LMF1: variants seen among roughly 807,000 people sequenced by gnomAD.
LMF1 encodes transmembrane protein 112.
In LMF1, 68 loss-of-function variants were observed where a neutral mutation model predicts 60.6. The observed-to-expected ratio is 1.12, with a 90% CI of 0.92 to 1.37. The LOEUF (loss-of-function observed/expected upper bound fraction) is 1.37. Ranked by LOEUF, LMF1 falls within the 40% of genes most tolerant of loss-of-function variation. The pLI, the probability that LMF1 is intolerant of heterozygous loss-of-function variation, is 0.00. For synonymous variants in LMF1, 418 were observed against 324.7 expected (o/e 1.29, Z -3.09); for missense variants, 948 against 767.2 (o/e 1.24, Z -2.78).
In LMF1 at chr16:878,750, GC is replaced by G. The variant is rs1345200910; in HGVS notation, c.897+819del. On this transcript the variant is annotated intron_variant, in intron 6 of 10. Coordinates refer to ENST00000262301, the MANE Select transcript of LMF1 (RefSeq NM_022773.4). The surrounding 1 kb of genome is among the most constrained non-coding windows in gnomAD (Gnocchi z 5.2). ...TGGGCAGGGCAGGGGAAGGGCGGGG[GC>G]AGGGGCGGGCAGGGCAGGGGAAGGG... is the stretch of plus-strand genomic sequence containing the variant. 1.4e-5 allele frequency among the ~76,000 whole-genome samples: 2 copies of G among 147,326 alleles called. No homozygotes were observed. The highest frequency in any genetic ancestry group is 5.1e-5 in the African/African-American group (2 of 39,588).
At chr16:911,553 G>T (rs1350148927) in intron 3 of LMF1, among the ~76,000 whole-genome samples, 5 of 73,772 alleles carry the variant, frequency 6.8e-5, no homozygotes. Flanking sequence ...GCACTGGGGG[G>T]GCAGCACTTG....
At chr16:866,233 T>C (rs2069605508) in intron 10 of LMF1, among the ~76,000 whole-genome samples, 1 of 152,206 alleles carries the variant, frequency 6.6e-6, no homozygotes. Flanking sequence ...CCTTCTGCTT[T>C]AGATGACTTC....
chr16:910,189 T>A (rs550738755), intron 4 of LMF1, among the ~76,000 whole-genome samples: 1 of 152,332 alleles, frequency 6.6e-6, no homozygotes, highest in Admixed American at 6.5e-5. Context: ...GCACATCGTG[T>A]TTTTGTGAAC....
intron 6 of LMF1, among the ~76,000 whole-genome samples, chr16:876,782 C>T (rs922515408): frequency 6.6e-6 from 1 of 151,656 alleles, no homozygotes; most frequent in Non-Finnish European, 1.5e-5. Flanking sequence ...CAAACTGAGA[C>T]CTTCAGTAAG....
Position 893,499 on chromosome 16 carries a change from C to T in LMF1, c.664-427G>A, listed in dbSNP as rs561105737. 49 of 424,952 alleles carry T rather than the reference C, an allele frequency of 1.2e-4. 2 individuals carry two copies. The highest frequency in any genetic ancestry group is 6.0e-4 in the South Asian group (36 of 59,846). The allele number at this position is 424,952 out of a possible 1,614,324, so 26.3% of individuals were successfully genotyped here. On this transcript the variant is annotated intron_variant, in intron 4 of 10. Coordinates refer to ENST00000262301, the MANE Select transcript of LMF1 (RefSeq NM_022773.4). The stretch of plus-strand genomic sequence containing the variant: ...TCGGAGGGAGCACCCAGTGCACACG[C>T]GTCTCAGCCCCGCCCCCTGCGGCAC...
At chr16:963,986 C>A (rs1017358689) in intron 1 of LMF1, 2 of 454,474 alleles carry the variant, frequency 4.4e-6, no homozygotes, top group African/African-American at 4.0e-5. Flanking sequence ...GTCACTACCC[C>A]ACACGGGAGG....
At chr16:926,318 T>C (rs756620291) in intron 3 of LMF1, among the ~76,000 whole-genome samples, 3 of 152,102 alleles carry the variant, frequency 2.0e-5, no homozygotes, top group Non-Finnish European at 4.4e-5. Context: ...TGTATGTGCG[T>C]GTTTGCATAA....
At chr16:979,186 G>A (rs577958331) in intron 1 of LMF1, 23 of 431,998 alleles carry the variant, frequency 5.3e-5, no homozygotes, top group South Asian at 1.4e-4. Flanking sequence ...TGAAAGCTCC[G>A]TCCCGGCGTC....
chr16:886,298 T>C (rs2070304305), intron 5 of LMF1, among the ~76,000 whole-genome samples: 2 of 152,118 alleles, frequency 1.3e-5, no homozygotes, highest in South Asian at 4.1e-4. Flanking sequence ...CCGTGAGCAC[T>C]GCTGACCTTG....
Position 923,141 on chromosome 16 carries a change from C to T in LMF1, c.514+11103G>A, listed in dbSNP as rs188483220. On this transcript the variant is annotated intron_variant, in intron 3 of 10. Transcript: ENST00000262301. Reference sequence around the variant, plus strand: ...TTCGGGTGTGATGTGGTGTTGGCGTCGTGTTGTTGCAAAGGCCTGTCTTCA... The same window carrying T: ...TTCGGGTGTGATGTGGTGTTGGCGTTGTGTTGTTGCAAAGGCCTGTCTTCA... Among the ~76,000 whole-genome samples, 90 of 152,084 alleles carry T rather than the reference C, an allele frequency of 5.9e-4. 2 individuals are homozygous for T. The highest frequency in any genetic ancestry group is 2.0e-3 in the African/African-American group (85 of 41,492).
intron 10 of LMF1, 66 bp downstream of exon 10, chr16:868,878 G>T: frequency 9.7e-7 from 1 of 1,028,604 alleles, no homozygotes; most frequent in Non-Finnish European, 1.5e-6. Context: ...GGTACAGGTG[G>T]TGGGATCCCA....
At chr16:865,392 C>T (rs944426167) in intron 10 of LMF1, among the ~76,000 whole-genome samples, 3 of 152,134 alleles carry the variant, frequency 2.0e-5, no homozygotes, top group Non-Finnish European at 4.4e-5. Context: ...GCTCTGTTGC[C>T]CAGGCTGGAG....
rs536677398 is a variant in LMF1, at chr16:907,503, T to C, written c.663+3428A>G. Among the ~76,000 whole-genome samples, 12 of 152,192 alleles carry C rather than the reference T, an allele frequency of 7.9e-5. 1 individual carries two copies. In the East Asian group the frequency reaches 1.9e-3, roughly 24 times the overall value. Reference sequence around the variant, plus strand: ...GGGCACAGAGGCTGTGGCTTCTCCTTCCCTTCTGCTTGGCACCCTCATCGG... The same window carrying C: ...GGGCACAGAGGCTGTGGCTTCTCCTCCCCTTCTGCTTGGCACCCTCATCGG... On this transcript the variant is annotated intron_variant, in intron 4 of 10. Coordinates refer to ENST00000262301, the MANE Select transcript of LMF1 (RefSeq NM_022773.4).
At chr16:855,739 G>A (rs1343884849) in intron 10 of LMF1, 1 of 456,064 alleles carries the variant, frequency 2.2e-6, no homozygotes, top group Admixed American at 2.3e-5. Flanking sequence ...CATGGCCCCT[G>A]GAATGAGCCC....
chr16:862,391 G>A (rs1318479665), intron 10 of LMF1, among the ~76,000 whole-genome samples: 1 of 152,012 alleles, frequency 6.6e-6, no homozygotes, highest in Non-Finnish European at 1.5e-5. Context: ...TGATCTGCTC[G>A]CCTCGGCCTC....
At chr16:946,430 G>A (rs956275383) in intron 2 of LMF1, among the ~76,000 whole-genome samples, 2 of 152,232 alleles carry the variant, frequency 1.3e-5, no homozygotes, top group Non-Finnish European at 2.9e-5. Flanking sequence ...AGAGGAGGGG[G>A]ACAAGCCTCT....
intron 3 of LMF1, among the ~76,000 whole-genome samples, chr16:913,911 T>C (rs1278338671): frequency 3.3e-5 from 5 of 152,168 alleles, no homozygotes; most frequent in African/African-American, 1.2e-4. Context: ...CCGACAGGGA[T>C]TCTGACGCCT....
At chr16:956,590 T>C (rs2072709977) in intron 1 of LMF1, among the ~76,000 whole-genome samples, 1 of 152,168 alleles carries the variant, frequency 6.6e-6, no homozygotes, top group South Asian at 2.1e-4. Context: ...ACGCCTGTAA[T>C]CCCAGCACTT....
At position 970,984 on chromosome 16, in the gene LMF1, C is replaced by G; in HGVS notation, c.-4G>C. ...TTGTTGGGCTGTCAGGGCGCATGTG[C>G]GGGGAGGGCGCACTCCCGGAGGCCC... On this transcript the variant is annotated 5_prime_UTR_variant, in exon 1 of 11. Transcript: ENST00000262301. 2 of 1,481,446 alleles carry G rather than the reference C, an allele frequency of 1.4e-6. No individual in the cohort carries two copies. The highest frequency in any genetic ancestry group is 5.3e-5 in the East Asian group (2 of 37,668). The allele number at this position is 1,481,446 out of a possible 1,614,324, so 91.8% of individuals were successfully genotyped here. A position where few individuals can be genotyped will look rare whatever the true frequency, so the allele number is the denominator to read the frequency against.
Sources: allele counts gnomAD v4.1 joint callset (sites outside exome capture counted in the v4.1 genomes callset), GRCh38; gene constraint gnomAD v4.1.1; non-coding constraint Gnocchi (gnomAD v3.1); transcripts MANE v1.5; gene names NCBI Gene and HGNC (gene_info 2026-07-23, HGNC 2026-07-21).